The following SORBS3 variants were observed in gnomAD, a reference collection of about 807,000 sequenced individuals.
SORBS3 encodes sorbin and SH3 domain containing 3.
A neutral mutation model predicts 98.0 loss-of-function variants in SORBS3; 69 were observed. The ratio of observed to expected loss-of-function variants is 0.70; its 90% CI spans 0.58 to 0.86. The LOEUF (loss-of-function observed/expected upper bound fraction) is 0.86, where lower values mean the gene tolerates loss of function less well. SORBS3 is among the 40% of genes least tolerant of loss of function. The pLI is 0.00. For missense variants in SORBS3, 954 were observed against 908.5 expected, an observed-to-expected ratio of 1.05 and a Z score of -0.64; for synonymous variants, 394 against 355.4, an observed-to-expected ratio of 1.11 and a Z score of -1.22.
At chr8:22,551,749 C>T (rs924880122), upstream of SORBS3, 8 of 985,120 alleles carry the variant, frequency 8.1e-6, no homozygotes, top group Non-Finnish European at 8.4e-6. This position sits in a 1 kb window ranked among gnomAD's most constrained non-coding sequence, Gnocchi z 5.8. Flanking sequence ...TCCGGCCCAG[C>T]CCCGGCCCGC....
At position 22,568,765 on chromosome 8, in the gene SORBS3, A is replaced by G. The variant is rs189452172; in HGVS notation, c.1306-383A>G. Among the ~76,000 whole-genome samples, 11 of 152,280 alleles carry G rather than the reference A, an allele frequency of 7.2e-5. No individual in the cohort carries two copies. The East Asian group carries it at 2.1e-3, about 29-fold the overall frequency. ...GACACCCGGTTCTCAGCAGTGAGAA[A>G]AGGGTGAATGCTCAGTTTTGGAACA... On this transcript the variant is annotated intron_variant, in intron 16 of 20. Transcript: ENST00000240123.
intron 16 of SORBS3, among the ~76,000 whole-genome samples, chr8:22,568,162 CT>C (rs2117279186): frequency 6.6e-6 from 1 of 152,256 alleles, no homozygotes; most frequent in African/African-American, 2.4e-5. Context: ...GATATGTTCT[CT>C]TTCATTCCTG....
intron 18 of SORBS3, 30 bp downstream of exon 18, chr8:22,571,251 G>T: frequency 7.2e-7 from 1 of 1,395,192 alleles, no homozygotes. Flanking sequence ...CCAGAGAGTC[G>T]ACCTCCTCCT....
At position 22,572,336 on chromosome 8, in the gene SORBS3, G is replaced by C. The variant is rs769770137; in HGVS notation, c.1848-4G>C. ...CTCTGGTTGCCATGATACGCTTCTC[G>C]CAGGTACCGGGCGATGTACCAGTAC... On this transcript the variant is annotated splice_region_variant and splice_polypyrimidine_tract_variant and intron_variant, in intron 19 of 20. Transcript: ENST00000240123. The C allele has an allele frequency of 1.9e-6, 3 of 1,613,078 alleles. No homozygotes were observed. The highest frequency in any genetic ancestry group is 2.2e-5 in the East Asian group (1 of 44,882).
In SORBS3 at chr8:22,563,994, T is replaced by C; in HGVS notation, c.592T>C (p.Trp198Arg). 1 of 1,613,552 alleles carries C rather than the reference T, an allele frequency of 6.2e-7. No individual in the cohort carries two copies. The highest frequency in any genetic ancestry group is 8.5e-7 in the Non-Finnish European group (1 of 1,179,534). ...GTCCTTCCCTTTCTTTAGAAGAAGC[T>C]GGGACCACTCTGAAGAGTTACCTAG... ...GPATSSSGRS[W>R]DHSEELPRST... The change falls in exon 8 of 21, where the codon TGG becomes CGG. Residue 198 changes from tryptophan to arginine, a missense_variant. Physicochemically the swap from Trp to Arg is moderately radical, Grantham distance 101. Coordinates refer to ENST00000240123, the MANE Select transcript of SORBS3 (RefSeq NM_005775.5).
At chr8:22,551,027 C>G (rs557556432), upstream of SORBS3, among the ~76,000 whole-genome samples, 3 of 152,342 alleles carry the variant, frequency 2.0e-5, no homozygotes, top group South Asian at 6.2e-4. The surrounding 1 kb of genome is among the most constrained non-coding windows in gnomAD (Gnocchi z 5.8). Flanking sequence ...GGCCGGGGCT[C>G]TGGGGACCCA....
chr8:22,555,246 G>A (rs1482959234), intron 3 of SORBS3, among the ~76,000 whole-genome samples: 6 of 152,190 alleles, frequency 3.9e-5, no homozygotes, highest in Non-Finnish European at 8.8e-5. Context: ...GCGTGCAGGA[G>A]CCCTGGGCGC....
At chr8:22,565,714 G>C in intron 11 of SORBS3, 112 bp from the exon 12 acceptor site, 1 of 1,231,980 alleles carries the variant, frequency 8.1e-7, no homozygotes, top group South Asian at 3.1e-5. Context: ...AGGACCCCGC[G>C]TCCCGCCCGC....
Position 22,564,769 on chromosome 8 carries a change from G to A in SORBS3, c.816+248G>A, listed in dbSNP as rs1011752880. 5.1e-6 allele frequency: 7 copies of A among 1,382,218 alleles called. No homozygotes were observed. The African/African-American group carries it at 5.8e-5, about 12-fold the overall frequency. The allele number at this position is 1,382,218 out of a possible 1,614,324, so 85.6% of individuals were successfully genotyped here. On this transcript the variant is annotated intron_variant, in intron 10 of 20. Transcript: ENST00000240123. ...AAAGGGAGTGGTCAGTGCGCACTGG[G>A]ATTATCAGGAAATATTCTTGGAGGT...
chr8:22,554,295 C>T lies in SORBS3; in HGVS notation c.-55-157C>T. ...GGCACGGGCAGCCTGCAGGCGGGTG[C>T]CTGGCGTGGCCTGTTTCCTGGGTCC... On this transcript the variant is annotated intron_variant, in intron 1 of 20. Transcript: ENST00000240123. The surrounding 1 kb of genome is among the most constrained non-coding windows in gnomAD (Gnocchi z 6.5). 1.5e-6 allele frequency: 1 copy of T among 663,958 alleles called. No individual in the cohort carries two copies. Among genetic ancestry groups the T allele is most frequent in the South Asian group, 2.4e-5 (1 of 40,902 alleles). The allele number at this position is 663,958 out of a possible 1,614,324, so 41.1% of individuals were successfully genotyped here.
chr8:22,563,210 A>G (rs1038856948), intron 7 of SORBS3, among the ~76,000 whole-genome samples: 2 of 152,212 alleles, frequency 1.3e-5, no homozygotes, highest in Non-Finnish European at 2.9e-5. Context: ...GAATGGAGTC[A>G]TTATTACAGC....
At position 22,564,288 on chromosome 8, in the gene SORBS3, C is replaced by A; in HGVS notation, c.681C>A (p.Leu227=). Residue 227 remains leucine (L), a synonymous_variant, in exon 9 of 21, where the codon CTC becomes CTA. Coordinates refer to ENST00000240123, the MANE Select transcript of SORBS3 (RefSeq NM_005775.5). Reference sequence around the variant, plus strand: ...ACCCACCCACCTCCACGCAGGTGCTCAGACGCCGGGAAAAAGTAGACAATG... The same window carrying A: ...ACCCACCCACCTCCACGCAGGTGCTAAGACGCCGGGAAAAAGTAGACAATG... ...STVLQPSNQV[L]RRREKVDNVW... The A allele has an allele frequency of 6.3e-7, 1 of 1,594,734 alleles. No individual in the cohort carries two copies. The highest frequency in any genetic ancestry group is 1.1e-5 in the South Asian group (1 of 89,302).
In SORBS3 at chr8:22,569,233, C is replaced by T. The variant is rs1274663764; in HGVS notation, c.1391C>T (p.Thr464Ile). ...LEYGEAVAQY[T>I]FKGDLEVELS... Reference sequence around the variant, plus strand: ...TATGGAGAGGCTGTGGCCCAGTACACCTTCAAGGGGGACCTGGAGGTGGAG... The same window carrying T: ...TATGGAGAGGCTGTGGCCCAGTACATCTTCAAGGGGGACCTGGAGGTGGAG... Residue 464 changes from threonine to isoleucine, a missense_variant, in exon 17 of 21, where the codon ACC becomes ATC. By Grantham distance (89) the Thr-to-Ile change is moderately conservative. Transcript: ENST00000240123. 1.2e-6 allele frequency: 2 copies of T among 1,608,998 alleles called. No individual in the cohort carries two copies. The highest frequency in any genetic ancestry group is 1.1e-5 in the South Asian group (1 of 90,242).
intron 20 of SORBS3, among the ~76,000 whole-genome samples, chr8:22,572,831 C>G (rs1309881616): frequency 6.6e-6 from 1 of 152,200 alleles, no homozygotes; most frequent in Non-Finnish European, 1.5e-5. Flanking sequence ...GCTGGCTCCT[C>G]CAGCCTGGGA....
Position 22,554,778 on chromosome 8 carries a change from C to G in SORBS3, c.103-85C>G. The G allele has an allele frequency of 7.0e-7, 1 of 1,435,830 alleles. No individual in the cohort carries two copies. The highest frequency in any genetic ancestry group is 9.5e-7 in the Non-Finnish European group (1 of 1,047,124). 88.9% of individuals were successfully genotyped at this position (1,435,830 alleles called of 1,614,324 possible). A position where few individuals can be genotyped will look rare whatever the true frequency, so the allele number is the denominator to read the frequency against. The stretch of plus-strand genomic sequence containing the variant: ...CGTCAGGCGGGCCTGGGACTGTCAC[C>G]GAGGGGTGTGGGCTGTGCCTAGTAG... On this transcript the variant is annotated intron_variant, in intron 2 of 20. Transcript: ENST00000240123. This position sits in a 1 kb window ranked among gnomAD's most constrained non-coding sequence, Gnocchi z 6.5.
chr8:22,564,329 C>T lies in SORBS3; in HGVS notation c.722C>T (p.Ser241Phe). The change falls in exon 9 of 21, where the codon TCC becomes TTC. Residue 241 changes from serine (S) to phenylalanine (F), a missense_variant. Ser to Phe is a radical substitution (Grantham distance 155). Coordinates refer to ENST00000240123, the MANE Select transcript of SORBS3 (RefSeq NM_005775.5). ...GTAGACAATGTCTGGACGGAAGAGT[C>T]CTGGAACCAGTTTCTGCAGGAACTA... is the stretch of plus-strand genomic sequence containing the variant. ...EKVDNVWTEE[S>F]WNQFLQELET... 6.2e-7 allele frequency: 1 copy of T among 1,613,754 alleles called. No homozygotes were observed. The highest frequency in any genetic ancestry group is 8.5e-7 in the Non-Finnish European group (1 of 1,179,784).
chr8:22,564,255 A>G (rs755426116), intron 8 of SORBS3, 28 bp from the exon 9 acceptor site: 21 of 1,564,092 alleles, frequency 1.3e-5, no homozygotes, highest in South Asian at 3.5e-5. Context: ...CCCTCTTCAC[A>G]AGCTGACACC....
intron 3 of SORBS3, among the ~76,000 whole-genome samples, chr8:22,555,782 T>A (rs1197222579): frequency 6.6e-6 from 1 of 150,838 alleles, no homozygotes; most frequent in African/African-American, 2.4e-5. Context: ...ACCTGGGAGG[T>A]GGAGGTTGCA....
At chr8:22,574,338 C>T (rs1840671244) in intron 20 of SORBS3, among the ~76,000 whole-genome samples, 2 of 152,216 alleles carry the variant, frequency 1.3e-5, no homozygotes, top group African/African-American at 4.8e-5. Flanking sequence ...AGACCAGGGA[C>T]GTTTCTCCCG....
Sources: allele counts gnomAD v4.1 joint callset (sites outside exome capture counted in the v4.1 genomes callset), GRCh38; gene constraint gnomAD v4.1.1; non-coding constraint Gnocchi (gnomAD v3.1); transcripts MANE v1.5; gene names NCBI Gene and HGNC (gene_info 2026-07-23, HGNC 2026-07-21).